Variants in SNX29 observed in about 807,000 individuals in gnomAD.
SNX29 encodes sorting nexin 29, also known as sorting nexin-29.
A neutral mutation model predicts 102.1 loss-of-function variants in SNX29; 78 were observed. The ratio of observed to expected loss-of-function variants is 0.76; its 90% CI spans 0.64 to 0.92. The LOEUF (loss-of-function observed/expected upper bound fraction) is 0.92, where lower values mean the gene tolerates loss of function less well. Ranked by LOEUF, SNX29 falls within the 40% of genes least tolerant of loss-of-function variation. SNX29 has a pLI of 0.00. For synonymous variants in SNX29, 580 were observed against 414.5 expected (o/e 1.40, Z -4.85); for missense variants, 1,280 against 1,061.7 (o/e 1.21, Z -2.86).
chr16:12,508,342 C>G (rs1165886546), intron 19 of SNX29, among the ~76,000 whole-genome samples: 1 of 152,158 alleles, frequency 6.6e-6, no homozygotes, highest in South Asian at 2.1e-4. Flanking sequence ...GAAGCATGGA[C>G]CGGTGTCACC....
chr16:12,195,851 A>G (rs2076759177), intron 13 of SNX29, among the ~76,000 whole-genome samples: 2 of 152,282 alleles, frequency 1.3e-5, no homozygotes, highest in African/African-American at 4.8e-5. Context: ...TGGTGGTCTA[A>G]TGAGACACCA....
chr16:12,286,956 C>T (rs751292059), intron 15 of SNX29, among the ~76,000 whole-genome samples: 22 of 152,196 alleles, frequency 1.4e-4, no homozygotes, highest in Admixed American at 5.2e-4. Flanking sequence ...AAAAGAGGCT[C>T]GTGCTAGTCC....
chr16:12,286,691 T>A (rs1333386308), intron 15 of SNX29, among the ~76,000 whole-genome samples: 1 of 152,094 alleles, frequency 6.6e-6, no homozygotes, highest in African/African-American at 2.4e-5. Flanking sequence ...TTGAAACATA[T>A]ACAGAAATAA....
chr16:12,317,282 C>T (rs1246399898), intron 15 of SNX29, among the ~76,000 whole-genome samples: 5 of 152,184 alleles, frequency 3.3e-5, no homozygotes, highest in Non-Finnish European at 7.4e-5. Context: ...CAGGGACCTT[C>T]GCAGGCCCCA....
At chr16:12,041,812 T>C (rs1004010840) in intron 4 of SNX29, among the ~76,000 whole-genome samples, 1 of 152,218 alleles carries the variant, frequency 6.6e-6, no homozygotes, top group Non-Finnish European at 1.5e-5. Context: ...TCTTTTACTA[T>C]ATAAGGTAAT....
chr16:12,437,258 C>A (rs2085579402), intron 18 of SNX29, among the ~76,000 whole-genome samples: 1 of 152,228 alleles, frequency 6.6e-6, no homozygotes, highest in African/African-American at 2.4e-5. Context: ...TTCTTCCTTT[C>A]TTGGTCTGTT....
At chr16:12,030,441 G>A (rs2057306302) in intron 4 of SNX29, among the ~76,000 whole-genome samples, 2 of 152,114 alleles carry the variant, frequency 1.3e-5, no homozygotes, top group Admixed American at 6.5e-5. Context: ...CAGGTCCCCT[G>A]GACAGCTCTT....
chr16:12,561,250 C>T (rs956668827), intron 20 of SNX29: 25 of 230,116 alleles, frequency 1.1e-4, no homozygotes, highest in African/African-American at 4.6e-4. Context: ...CCACTCCCTC[C>T]CACTCCACAG....
intron 14 of SNX29, among the ~76,000 whole-genome samples, chr16:12,275,903 G>T (rs1280526313): frequency 6.1e-4 from 29 of 47,542 alleles, no homozygotes; most frequent in South Asian, 1.3e-3. Context: ...TTTTTTTTTT[G>T]GGGGGCGTGG....
At chr16:12,465,295 G>A (rs181501426) in intron 18 of SNX29, among the ~76,000 whole-genome samples, 1 of 152,252 alleles carries the variant, frequency 6.6e-6, no homozygotes, top group African/African-American at 2.4e-5. Flanking sequence ...TTACTGCCAA[G>A]ACTAGTGTCT....
At chr16:12,537,042 A>G (rs1456299896) in intron 20 of SNX29, among the ~76,000 whole-genome samples, 1 of 152,216 alleles carries the variant, frequency 6.6e-6, no homozygotes, top group African/African-American at 2.4e-5. Context: ...CAGCAAGCAC[A>G]TTCACTGAGC....
intron 15 of SNX29, among the ~76,000 whole-genome samples, chr16:12,300,468 A>C (rs1322469592): frequency 6.6e-6 from 1 of 152,050 alleles, no homozygotes; most frequent in Non-Finnish European, 1.5e-5. Flanking sequence ...ATTGTTTGGC[A>C]TTGTGTTTTG....
chr16:12,227,234 TC>T (rs1380577875), intron 14 of SNX29, among the ~76,000 whole-genome samples: 5 of 152,188 alleles, frequency 3.3e-5, no homozygotes, highest in African/African-American at 1.2e-4. Flanking sequence ...AGCTGAATGT[TC>T]CGATCATGAC....
At chr16:12,270,384 C>T (rs2079054861) in intron 14 of SNX29, among the ~76,000 whole-genome samples, 3 of 152,156 alleles carry the variant, frequency 2.0e-5, no homozygotes, top group Non-Finnish European at 2.9e-5. Context: ...AATGACTTGA[C>T]GTTACTCAGA....
chr16:12,573,217 G>A lies in SNX29; in HGVS notation c.*4588G>A, dbSNP rs561249804. 25 of 226,874 alleles carry A rather than the reference G, an allele frequency of 1.1e-4. No homozygotes were observed. The highest frequency in any genetic ancestry group is 2.9e-4 in the African/African-American group (13 of 45,098). 14.1% of individuals were successfully genotyped at this position (226,874 alleles called of 1,614,324 possible). A position where few individuals can be genotyped will look rare whatever the true frequency, so the allele number is the denominator to read the frequency against. ...CCCGGCTCTAGGCAGACCGGATCCCGCAGTTCATCCCATGGTTGTTGAAAT... is the reference window on the plus strand; with the variant it reads ...CCCGGCTCTAGGCAGACCGGATCCCACAGTTCATCCCATGGTTGTTGAAAT... On this transcript the variant is annotated 3_prime_UTR_variant, in exon 21 of 21. Coordinates refer to ENST00000566228, the MANE Select transcript of SNX29 (RefSeq NM_032167.5).
intron 18 of SNX29, among the ~76,000 whole-genome samples, chr16:12,462,016 T>TATATACACAC (rs1555544564): frequency 4.6e-5 from 3 of 65,210 alleles, no homozygotes; most frequent in East Asian, 4.5e-4. Context: ...TATATATGTA[T>TATATACACAC]ACACACACAC....
chr16:12,125,015 G>A (rs1188324904), intron 11 of SNX29, among the ~76,000 whole-genome samples: 1 of 152,186 alleles, frequency 6.6e-6, no homozygotes, highest in Non-Finnish European at 1.5e-5. Context: ...ACAAATCATG[G>A]GCTGCGCGGC....
At chr16:12,120,298 T>C (rs1299182731) in intron 11 of SNX29, among the ~76,000 whole-genome samples, 3 of 152,230 alleles carry the variant, frequency 2.0e-5, no homozygotes, top group African/African-American at 4.8e-5. Flanking sequence ...TCTTTAAAGA[T>C]AGCTGAGTAT....
chr16:12,104,611 A>G (rs2053156793), intron 11 of SNX29, among the ~76,000 whole-genome samples: 2 of 151,852 alleles, frequency 1.3e-5, no homozygotes, highest in Admixed American at 6.6e-5. Flanking sequence ...ACTTGTTGCC[A>G]CTTTTTCTTT....
Sources: allele counts gnomAD v4.1 joint callset (sites outside exome capture counted in the v4.1 genomes callset), GRCh38; gene constraint gnomAD v4.1.1; transcripts MANE v1.5; gene names NCBI Gene and HGNC (gene_info 2026-07-23, HGNC 2026-07-21).